Variants in SLC24A2 observed in about 807,000 individuals in gnomAD.
The protein encoded by SLC24A2 is solute carrier family 24 member 2, also known as sodium/potassium/calcium exchanger 2.
SLC24A2 carries 36 observed loss-of-function variants against 62.0 expected under a neutral mutation model. The observed-to-expected ratio is 0.58, with a 90% confidence interval of 0.44 to 0.77. SLC24A2 has a LOEUF of 0.77. Among genes scored for constraint, SLC24A2 ranks in the 30% least tolerant of loss-of-function variants. The probability of loss-of-function intolerance (pLI) is 0.00; values close to 1 mark genes in which losing one functional copy is unlikely to be tolerated. For synonymous variants in SLC24A2, 358 were observed against 294.0 expected (o/e 1.22, Z -2.23); for missense variants, 846 against 817.9 (o/e 1.03, Z -0.42).
chr9:20,072,564 T>A, the SLC24A2 span, among the ~76,000 whole-genome samples: 1 of 152,110 alleles, frequency 6.6e-6, no homozygotes, highest in Non-Finnish European at 1.5e-5. Flanking sequence ...AATCATAATA[T>A]CACATATCAA....
At chr9:19,699,395 G>A (rs1820290887) in intron 2 of SLC24A2, among the ~76,000 whole-genome samples, 1 of 152,102 alleles carries the variant, frequency 6.6e-6, no homozygotes, top group Non-Finnish European at 1.5e-5. Flanking sequence ...TAAAAATTTT[G>A]TGTTTAGATA....
the SLC24A2 span, among the ~76,000 whole-genome samples, chr9:20,019,099 AAGAT>A: frequency 0.18 from 8,459 of 48,220 alleles, 718 homozygotes; most frequent in African/African-American, 0.26. Context: ...GAAAGAAAGA[AAGAT>A]AGAAAGAAAG....
chr9:19,524,418 CA>C (rs34416897), intron 9 of SLC24A2, among the ~76,000 whole-genome samples: 44,869 of 118,944 alleles, frequency 0.38, 7,252 homozygotes, highest in African/African-American at 0.47. Flanking sequence ...AAGATAAAGG[CA>C]AAAAAAAAAA....
chr9:19,626,884 G>C (rs1818048334), intron 2 of SLC24A2, among the ~76,000 whole-genome samples: 1 of 152,082 alleles, frequency 6.6e-6, no homozygotes, highest in Non-Finnish European at 1.5e-5. Flanking sequence ...CTAGATACAA[G>C]GTGCAAAGTC....
the SLC24A2 span, among the ~76,000 whole-genome samples, chr9:19,811,484 A>G: frequency 6.6e-6 from 1 of 152,002 alleles, no homozygotes; most frequent in Non-Finnish European, 1.5e-5. Context: ...TGACTTACCT[A>G]TTTTTCTATC....
the SLC24A2 span, among the ~76,000 whole-genome samples, chr9:20,011,217 G>A: frequency 6.6e-6 from 1 of 152,080 alleles, no homozygotes; most frequent in Non-Finnish European, 1.5e-5. Context: ...CTAGTTTACA[G>A]TCCCACCAAC....
the SLC24A2 span, among the ~76,000 whole-genome samples, chr9:19,820,064 T>TATAC: frequency 2.3e-5 from 3 of 129,422 alleles, no homozygotes; most frequent in African/African-American, 9.1e-5. Flanking sequence ...TACACATATA[T>TATAC]ATATATATAT....
intron 10 of SLC24A2, among the ~76,000 whole-genome samples, chr9:19,520,488 C>T (rs1334587546): frequency 6.6e-6 from 1 of 152,134 alleles, no homozygotes; most frequent in Non-Finnish European, 1.5e-5. Context: ...TATGGTAGGC[C>T]TATGTTTTCC....
At chr9:20,020,603 G>A in the SLC24A2 span, among the ~76,000 whole-genome samples, 782 of 152,238 alleles carry the variant, frequency 5.1e-3, 6 homozygotes, top group African/African-American at 0.018. Context: ...GATAGCATTT[G>A]GAGAAATACC....
chr9:20,022,330 A>T, the SLC24A2 span, among the ~76,000 whole-genome samples: 1 of 152,246 alleles, frequency 6.6e-6, no homozygotes, highest in Admixed American at 6.5e-5. Flanking sequence ...TTTTAAAGCC[A>T]ATTCATAGAT....
chr9:20,216,982 G>A, the SLC24A2 span, among the ~76,000 whole-genome samples: 6 of 152,180 alleles, frequency 3.9e-5, no homozygotes, highest in East Asian at 1.2e-3. Context: ...CTTAAAAGCT[G>A]GTTAGAACTG....
At chr9:19,848,735 C>T in the SLC24A2 span, among the ~76,000 whole-genome samples, 1 of 152,148 alleles carries the variant, frequency 6.6e-6, no homozygotes, top group Admixed American at 6.5e-5. Flanking sequence ...AATGTAAAAA[C>T]CTTCTAACCA....
chr9:20,125,984 G>C, the SLC24A2 span, among the ~76,000 whole-genome samples: 1 of 152,266 alleles, frequency 6.6e-6, no homozygotes, highest in South Asian at 2.1e-4. Flanking sequence ...AGTCAAGACT[G>C]TTTTTCCTGC....
At chr9:19,555,730 A>T (rs1434355684) in intron 7 of SLC24A2, among the ~76,000 whole-genome samples, 1 of 152,216 alleles carries the variant, frequency 6.6e-6, no homozygotes, top group Non-Finnish European at 1.5e-5. Flanking sequence ...GGATCACTTG[A>T]GGTCAGGAGT....
the SLC24A2 span, among the ~76,000 whole-genome samples, chr9:19,869,253 T>C: frequency 6.6e-6 from 1 of 152,198 alleles, no homozygotes; most frequent in African/African-American, 2.4e-5. Context: ...GATGCTAGGA[T>C]TACAGGCTTG....
the SLC24A2 span, among the ~76,000 whole-genome samples, chr9:20,116,233 T>C: frequency 4.6e-5 from 7 of 152,298 alleles, no homozygotes; most frequent in African/African-American, 1.7e-4. Flanking sequence ...GCCATTCTCA[T>C]AGCTCTAAAT....
the SLC24A2 span, among the ~76,000 whole-genome samples, chr9:20,051,112 G>T: frequency 6.6e-6 from 1 of 151,894 alleles, no homozygotes; most frequent in South Asian, 2.1e-4. Flanking sequence ...AAAAACACAA[G>T]ATTCAACAAT....
chr9:20,153,083 TCAGA>T, the SLC24A2 span, among the ~76,000 whole-genome samples: 1 of 151,800 alleles, frequency 6.6e-6, no homozygotes, highest in East Asian at 1.9e-4. Flanking sequence ...TTTAGAAACC[TCAGA>T]CAAAAAGAAA....
chr9:19,991,114 G>C, the SLC24A2 span, among the ~76,000 whole-genome samples: 5 of 151,718 alleles, frequency 3.3e-5, no homozygotes, highest in Admixed American at 3.3e-4. Context: ...AGGATCACAA[G>C]GTGAAGTCCC....
Sources: allele counts gnomAD v4.1 joint callset (sites outside exome capture counted in the v4.1 genomes callset), GRCh38; gene constraint gnomAD v4.1.1; transcripts MANE v1.5; gene names NCBI Gene and HGNC (gene_info 2026-07-23, HGNC 2026-07-21).